Variants in SVOPL observed in about 807,000 individuals in gnomAD.
The protein encoded by SVOPL is putative transporter SVOPL.
Under a neutral mutation model 61.0 loss-of-function variants are expected in SVOPL, and 60 were observed. The observed-to-expected ratio is 0.98, with a 90% CI of 0.80 to 1.22. SVOPL has a LOEUF of 1.22. SVOPL is among the 50% of genes most tolerant of loss of function. The pLI is 0.00. For synonymous variants in SVOPL, 279 were observed against 250.0 expected, an observed-to-expected ratio of 1.12 and a Z score of -1.09; for missense variants, 662 against 643.9, an observed-to-expected ratio of 1.03 and a Z score of -0.30.
In SVOPL at chr7:138,654,481, A is replaced by G. The variant is rs190250017; in HGVS notation, c.534+1967T>C. Among the ~76,000 whole-genome samples the G allele has an allele frequency of 4.9e-3, 740 of 149,956 alleles. 4 individuals are homozygous for G. The highest frequency in any genetic ancestry group is 0.01 in the Middle Eastern group (3 of 286). The stretch of plus-strand genomic sequence containing the variant: ...CCTGGATGACAGCATGTCTGTTTAC[A>G]GCATGGTTTACTGAGTTTGTTTTTT... On this transcript the variant is annotated intron_variant, in intron 7 of 15. Transcript: ENST00000674285.
At chr7:138,619,109 G>T (rs186822930) in intron 14 of SVOPL, among the ~76,000 whole-genome samples, 123 of 152,242 alleles carry the variant, frequency 8.1e-4, no homozygotes, top group Non-Finnish European at 1.3e-3. Flanking sequence ...CAGAAATAGG[G>T]TTAATGTTTT....
chr7:138,656,386 C>A, intron 7 of SVOPL, 62 bp downstream of exon 7: 2 of 1,518,632 alleles, frequency 1.3e-6, no homozygotes, highest in South Asian at 1.1e-5. Flanking sequence ...CCAAGGTATG[C>A]CTATATGTAC....
intron 4 of SVOPL, among the ~76,000 whole-genome samples, chr7:138,667,514 C>T (rs966100377): frequency 3.9e-5 from 6 of 152,174 alleles, no homozygotes; most frequent in African/African-American, 1.4e-4. Flanking sequence ...ATAATTGATG[C>T]TTCCTTTACT....
In SVOPL at chr7:138,630,116, T is replaced by G. The variant is rs1584803532; in HGVS notation, c.796A>C (p.Arg266=). The G allele has an allele frequency of 6.2e-7, 1 of 1,611,652 alleles. No individual in the cohort carries two copies. The highest frequency in any genetic ancestry group is 1.7e-5 in the Admixed American group (1 of 60,006). The change falls in exon 10 of 16, where the codon AGA becomes CGA. Residue 266 remains arginine, a synonymous_variant. Transcript: ENST00000674285. ...TCCAATAGGTCTGCAAATCTTCCTCTTTTTTCCTGGGGTAATGAAAAGGAG... is the reference window on the plus strand; with the variant it reads ...TCCAATAGGTCTGCAAATCTTCCTCGTTTTTCCTGGGGTAATGAAAAGGAG... The part of the protein sequence containing the change: ...GKLVEPVLEK[R]GRFADLLDAK...
chr7:138,678,509 G>A lies in SVOPL; in HGVS notation c.99C>T (p.Thr33=), dbSNP rs1254383067. 2.6e-5 allele frequency: 41 copies of A among 1,551,968 alleles called. No homozygotes were observed. Among genetic ancestry groups the A allele is most frequent in the East Asian group, 4.9e-5 (2 of 40,934 alleles). The change falls in exon 3 of 16, where the codon ACC becomes ACT. Residue 33 remains threonine (T), a synonymous_variant. Coordinates refer to ENST00000674285, the MANE Select transcript of SVOPL (RefSeq NM_001139456.2). ...EPQVKEPKTF[T]VEDAVETIGF... ...CGATAGTCTCCACTGCATCTTCCAC[G>A]GTGAACGTCTTTGGCTCTAACAACG...
At chr7:138,679,171 A>G in intron 1 of SVOPL, 92 bp from the exon 2 acceptor site, 1 of 845,960 alleles carries the variant, frequency 1.2e-6, no homozygotes, top group Non-Finnish European at 1.8e-6. Context: ...AAATTTCCTG[A>G]AGCCCTCACA....
chr7:138,666,436 C>T (rs545215051), intron 4 of SVOPL, among the ~76,000 whole-genome samples: 46 of 152,284 alleles, frequency 3.0e-4, no homozygotes, highest in African/African-American at 1.1e-3. Context: ...ATCTGAGACA[C>T]CAAAATAGAC....
rs189126875 is a variant in SVOPL at position 138,685,646 on chromosome 7, T to C, written c.-34-6567A>G. ...TGGGTGTGGTGGCTCATGCCTGTAA[T>C]CCCAGGAATTTGAGACCAGCCTGGC... On this transcript the variant is annotated intron_variant, in intron 1 of 15. Transcript: ENST00000674285. Among the ~76,000 whole-genome samples the C allele has an allele frequency of 3.3e-5, 5 of 152,102 alleles. No individual in the cohort carries two copies. The East Asian group carries it at 5.8e-4, about 18-fold the overall frequency.
intron 4 of SVOPL, among the ~76,000 whole-genome samples, chr7:138,667,838 G>C (rs1159275183): frequency 6.6e-6 from 1 of 152,064 alleles, no homozygotes; most frequent in African/African-American, 2.4e-5. Flanking sequence ...GTCATTCCTG[G>C]GTGTAGGCTG....
rs1432544421 is a variant in SVOPL, at chr7:138,607,178, A to T, written c.1354-10648T>A. Among the ~76,000 whole-genome samples the T allele has an allele frequency of 2.0e-5, 3 of 152,156 alleles. No individual in the cohort carries two copies. The East Asian group carries it at 5.8e-4, about 29-fold the overall frequency. ...ATGCTAGATTTAAGATGCTTTTGAG[A>T]CATCCAGGCGAAAATGCTGGGGAGA... On this transcript the variant is annotated intron_variant, in intron 14 of 15. Coordinates refer to ENST00000674285, the MANE Select transcript of SVOPL (RefSeq NM_001139456.2).
At chr7:138,657,690 T>C (rs1157831675) in intron 6 of SVOPL, among the ~76,000 whole-genome samples, 1 of 152,216 alleles carries the variant, frequency 6.6e-6, no homozygotes, top group Non-Finnish European at 1.5e-5. Flanking sequence ...GTTTTATATT[T>C]TTACTTAGCT....
chr7:138,682,968 CAAA>C (rs762982090), intron 1 of SVOPL, among the ~76,000 whole-genome samples: 3 of 95,432 alleles, frequency 3.1e-5, no homozygotes, highest in African/African-American at 7.4e-5. Context: ...AACTCCATCT[CAAA>C]AAAAAAAAAA....
chr7:138,693,677 G>A (rs1164487803), intron 1 of SVOPL, among the ~76,000 whole-genome samples: 1 of 151,578 alleles, frequency 6.6e-6, no homozygotes, highest in African/African-American at 2.4e-5. Flanking sequence ...GGGAGGGAGC[G>A]AGGAAGGAAA....
At chr7:138,645,238 C>A (rs1005419493) in intron 8 of SVOPL, among the ~76,000 whole-genome samples, 2 of 152,030 alleles carry the variant, frequency 1.3e-5, no homozygotes, top group Admixed American at 6.6e-5. Flanking sequence ...GTGACAGGAA[C>A]AGGGGGCTCC....
chr7:138,664,266 G>A, intron 4 of SVOPL: 1 of 975,726 alleles, frequency 1.0e-6, no homozygotes, highest in Non-Finnish European at 1.2e-6. Context: ...TAACCCTCCA[G>A]CGTCCTTGAG....
intron 9 of SVOPL, among the ~76,000 whole-genome samples, chr7:138,631,592 G>A (rs1412150944): frequency 6.6e-6 from 1 of 151,822 alleles, no homozygotes; most frequent in Non-Finnish European, 1.5e-5. Flanking sequence ...TTTTTGGGAA[G>A]GAGTCTCGCT....
chr7:138,687,596 C>G (rs1802848060), intron 1 of SVOPL, among the ~76,000 whole-genome samples: 1 of 150,296 alleles, frequency 6.7e-6, no homozygotes, highest in South Asian at 2.1e-4. Flanking sequence ...ACTCTCTTGC[C>G]CAGGCTGGAG....
intron 9 of SVOPL, among the ~76,000 whole-genome samples, chr7:138,643,440 A>G (rs1375823611): frequency 1.3e-5 from 2 of 151,540 alleles, no homozygotes; most frequent in Non-Finnish European, 2.9e-5. Context: ...AAAAAAAAAA[A>G]AAGAAAGTGA....
chr7:138,621,214 G>C, intron 13 of SVOPL, 79 bp from the exon 14 acceptor site: 1 of 1,293,888 alleles, frequency 7.7e-7, no homozygotes, highest in Non-Finnish European at 1.1e-6. Flanking sequence ...TTCCTCCCCA[G>C]GTCAGGTTTT....
Sources: allele counts gnomAD v4.1 joint callset (sites outside exome capture counted in the v4.1 genomes callset), GRCh38; gene constraint gnomAD v4.1.1; transcripts MANE v1.5; gene names NCBI Gene and HGNC (gene_info 2026-07-23, HGNC 2026-07-21).